B3GALT1: variants seen among roughly 807,000 people sequenced by gnomAD.
B3GALT1 encodes the protein beta-1,3-galactosyltransferase 1.
Under a neutral mutation model 23.2 loss-of-function variants are expected in B3GALT1, and 10 were observed. The ratio of observed to expected loss-of-function variants is 0.43; its 90% CI spans 0.27 to 0.73. B3GALT1 has a LOEUF of 0.73. Ranked by LOEUF, B3GALT1 falls within the 30% of genes least tolerant of loss-of-function variation. The pLI is 0.21. For synonymous variants in B3GALT1, 156 were observed against 141.5 expected, an observed-to-expected ratio of 1.10 and a Z score of -0.73; for missense variants, 299 against 405.4, an observed-to-expected ratio of 0.74 and a Z score of 2.25.
chr2:167,304,876 G>A (rs368653290), intron 1 of B3GALT1, among the ~76,000 whole-genome samples: 4 of 152,142 alleles, frequency 2.6e-5, no homozygotes, highest in African/African-American at 4.8e-5. Flanking sequence ...GTAAATTTAT[G>A]TTGAGTTTGA....
chr2:167,792,817 C>CA (rs1423359310), intron 3 of B3GALT1, among the ~76,000 whole-genome samples: 1 of 149,726 alleles, frequency 6.7e-6, no homozygotes, highest in Admixed American at 6.7e-5. Context: ...TCTAAAAGCT[C>CA]AAAAGAAAGA....
At chr2:167,507,822 C>T (rs1699944059) in intron 2 of B3GALT1, among the ~76,000 whole-genome samples, 2 of 152,124 alleles carry the variant, frequency 1.3e-5, no homozygotes, top group Non-Finnish European at 2.9e-5. Flanking sequence ...TCATAATTGT[C>T]TTACTAATGA....
intron 1 of B3GALT1, among the ~76,000 whole-genome samples, chr2:167,472,591 T>G (rs1480226890): frequency 6.6e-6 from 1 of 152,142 alleles, no homozygotes; most frequent in African/African-American, 2.4e-5. Context: ...ACCTAAAATA[T>G]TCTATACAAG....
chr2:167,312,364 C>A (rs1366088673), intron 1 of B3GALT1, among the ~76,000 whole-genome samples: 1 of 151,976 alleles, frequency 6.6e-6, no homozygotes, highest in Admixed American at 6.6e-5. Context: ...TAAATTGGTT[C>A]TTTGGCCCTT....
intron 3 of B3GALT1, among the ~76,000 whole-genome samples, chr2:167,767,368 A>C (rs1687996200): frequency 6.6e-6 from 1 of 152,268 alleles, no homozygotes; most frequent in South Asian, 2.1e-4. Flanking sequence ...TGTCCCCATA[A>C]ACTTTTTGTA....
At chr2:167,299,842 C>CAT (rs549729950) in intron 1 of B3GALT1, among the ~76,000 whole-genome samples, 31 of 151,056 alleles carry the variant, frequency 2.1e-4, no homozygotes, top group South Asian at 1.7e-3. Flanking sequence ...TATTTATAAA[C>CAT]ATATATATAT....
chr2:167,625,942 C>CATATATATATAT (rs10522850), intron 2 of B3GALT1, among the ~76,000 whole-genome samples: 77 of 118,372 alleles, frequency 6.5e-4, no homozygotes, highest in East Asian at 1.5e-3. Flanking sequence ...ATGACTAGGC[C>CATATATATATAT]ATATATATAT....
intron 1 of B3GALT1, among the ~76,000 whole-genome samples, chr2:167,389,991 G>A (rs1276264176): frequency 2.6e-5 from 4 of 151,854 alleles, no homozygotes; most frequent in African/African-American, 9.7e-5. Context: ...GCCTCATTGT[G>A]ACTGAGAGGG....
chr2:167,542,263 G>A (rs1476393187), intron 2 of B3GALT1, among the ~76,000 whole-genome samples: 2 of 152,002 alleles, frequency 1.3e-5, no homozygotes, highest in Non-Finnish European at 2.9e-5. Flanking sequence ...ATTTCAGTCA[G>A]TTGTATTCAA....
chr2:167,635,834 G>GA (rs1245573584), intron 2 of B3GALT1, among the ~76,000 whole-genome samples: 1 of 151,988 alleles, frequency 6.6e-6, no homozygotes, highest in Non-Finnish European at 1.5e-5. Context: ...CACAGAATTA[G>GA]AAAAAACTAC....
At chr2:167,567,879 C>G (rs1459474587) in intron 2 of B3GALT1, among the ~76,000 whole-genome samples, 3 of 152,054 alleles carry the variant, frequency 2.0e-5, no homozygotes, top group Non-Finnish European at 4.4e-5. Context: ...ATCCTTTGTG[C>G]CCCACCTATT....
chr2:167,615,272 A>G lies in B3GALT1; in HGVS notation c.-409-31637A>G, dbSNP rs145868802. On this transcript the variant is annotated intron_variant, in intron 2 of 4. Coordinates refer to ENST00000392690, the MANE Select transcript of B3GALT1 (RefSeq NM_020981.4). Reference sequence around the variant, plus strand: ...GGAAGATGTTATATTAAGTAAAACAAGCCAGACACAGAAAGACAAATACTG... The same window carrying G: ...GGAAGATGTTATATTAAGTAAAACAGGCCAGACACAGAAAGACAAATACTG... Among the ~76,000 whole-genome samples, 30 of 152,204 alleles carry G rather than the reference A, an allele frequency of 2.0e-4. No individual in the cohort carries two copies. In the East Asian group the frequency reaches 5.2e-3, roughly 26 times the overall value.
chr2:167,863,387 C>G (rs1690143795), intron 4 of B3GALT1, among the ~76,000 whole-genome samples: 1 of 152,214 alleles, frequency 6.6e-6, no homozygotes, highest in Admixed American at 6.5e-5. Flanking sequence ...AGATCCTGCA[C>G]TTTGTATCAT....
At chr2:167,380,302 G>C (rs914087033) in intron 1 of B3GALT1, among the ~76,000 whole-genome samples, 1 of 152,186 alleles carries the variant, frequency 6.6e-6, no homozygotes, top group Non-Finnish European at 1.5e-5. Flanking sequence ...GAACTCAGGA[G>C]AACAGGGTGG....
intron 3 of B3GALT1, among the ~76,000 whole-genome samples, chr2:167,677,989 C>A (rs1049995601): frequency 6.6e-6 from 1 of 152,182 alleles, no homozygotes; most frequent in African/African-American, 2.4e-5. Context: ...ATGATCTAAT[C>A]ACCTTCCAGG....
chr2:167,679,636 C>G, intron 3 of B3GALT1, among the ~76,000 whole-genome samples: 1 of 152,330 alleles, frequency 6.6e-6, no homozygotes, highest in Middle Eastern at 3.4e-3. Flanking sequence ...CCAGTAGTTA[C>G]AATTGTGGGT....
intron 1 of B3GALT1, among the ~76,000 whole-genome samples, chr2:167,366,474 C>A (rs1285091354): frequency 6.6e-6 from 1 of 152,104 alleles, no homozygotes; most frequent in African/African-American, 2.4e-5. Flanking sequence ...ACACCAATAG[C>A]CAAGCAACCT....
chr2:167,435,226 T>A (rs888273162), intron 1 of B3GALT1, among the ~76,000 whole-genome samples: 8 of 151,722 alleles, frequency 5.3e-5, no homozygotes, highest in African/African-American at 1.9e-4. Context: ...ATCACAAGTA[T>A]AAATATATTG....
rs77416130 is a variant in B3GALT1 at position 167,332,482 on chromosome 2, T to C, written c.-511+39148T>C. Among the ~76,000 whole-genome samples, 480 of 152,326 alleles carry C rather than the reference T, an allele frequency of 3.2e-3. 21 individuals are homozygous for C. In the East Asian group the frequency reaches 0.064, roughly 20 times the overall value. On this transcript the variant is annotated intron_variant, in intron 1 of 4. Coordinates refer to ENST00000392690, the MANE Select transcript of B3GALT1 (RefSeq NM_020981.4). ...AGCAATGACAGTGCACACAAACATATATTTTATTGCAGGAAAATGATACAA... is the reference window on the plus strand; with the variant it reads ...AGCAATGACAGTGCACACAAACATACATTTTATTGCAGGAAAATGATACAA...
Sources: gnomAD v4.1 joint callset for allele counts (sites outside exome capture counted in the v4.1 genomes callset) on GRCh38, gnomAD v4.1.1 for gene constraint, MANE v1.5 for transcripts, NCBI Gene and HGNC (gene_info 2026-07-23, HGNC 2026-07-21) for gene names.